The following AGBL1 variants were observed in gnomAD, a reference collection of about 807,000 sequenced individuals.
AGBL1 encodes the protein cytosolic carboxypeptidase 4.
In AGBL1, 130 loss-of-function variants were observed where a neutral mutation model predicts 118.9. That is an observed-to-expected ratio of 1.09 (90% CI 0.95 to 1.26). The LOEUF is 1.26. Ranked by LOEUF, AGBL1 falls within the 50% of genes most tolerant of loss-of-function variation. AGBL1 has a pLI of 0.00. For synonymous variants in AGBL1, 555 were observed against 478.9 expected (o/e 1.16, Z -2.08); for missense variants, 1,584 against 1,298.1 (o/e 1.22, Z -3.38).
At chr15:86,684,938 A>T (rs2086027523) in intron 22 of AGBL1, among the ~76,000 whole-genome samples, 1 of 152,186 alleles carries the variant, frequency 6.6e-6, no homozygotes, top group Non-Finnish European at 1.5e-5. Context: ...AATAAAAATT[A>T]AATTTTATTT....
chr15:86,779,090 G>T (rs1596473436), intron 22 of AGBL1, among the ~76,000 whole-genome samples: 2 of 152,154 alleles, frequency 1.3e-5, no homozygotes, highest in Admixed American at 1.3e-4. Flanking sequence ...AAGTCTCCTG[G>T]TGTCTCCTTT....
At chr15:86,163,690 T>C (rs2077298268) in intron 5 of AGBL1, among the ~76,000 whole-genome samples, 1 of 151,908 alleles carries the variant, frequency 6.6e-6, no homozygotes, top group Non-Finnish European at 1.5e-5. Context: ...ATCACACCAC[T>C]GCACTCCAGC....
chr15:86,739,463 AAAGT>A (rs2077646559), intron 22 of AGBL1, among the ~76,000 whole-genome samples: 3 of 150,178 alleles, frequency 2.0e-5, no homozygotes, highest in African/African-American at 2.5e-5. Flanking sequence ...AAAAAAAAAA[AAAGT>A]AAAAGAGAAA....
chr15:86,733,289 T>G (rs550581387), intron 22 of AGBL1, among the ~76,000 whole-genome samples: 1 of 151,974 alleles, frequency 6.6e-6, no homozygotes, highest in East Asian at 1.9e-4. Context: ...AAACAGAGAG[T>G]GTGATAAAAA....
chr15:86,710,375 C>G (rs79002989), intron 22 of AGBL1, among the ~76,000 whole-genome samples: 7 of 152,256 alleles, frequency 4.6e-5, no homozygotes, highest in Middle Eastern at 3.4e-3. Flanking sequence ...GATTATAAAA[C>G]TGCAAATAAC....
intron 24 of AGBL1, among the ~76,000 whole-genome samples, chr15:86,998,170 T>C (rs529654222): frequency 6.6e-6 from 1 of 152,288 alleles, no homozygotes. Flanking sequence ...GAGTATGATC[T>C]AGTCTAGTGA....
intron 17 of AGBL1, among the ~76,000 whole-genome samples, chr15:86,392,608 G>A (rs1471784095): frequency 1.3e-5 from 2 of 152,098 alleles, no homozygotes; most frequent in African/African-American, 2.4e-5. Flanking sequence ...TTATATAGTT[G>A]GGTACACATG....
At chr15:86,213,755 T>G (rs1238803790) in intron 5 of AGBL1, among the ~76,000 whole-genome samples, 1 of 152,218 alleles carries the variant, frequency 6.6e-6, no homozygotes, top group African/African-American at 2.4e-5. Context: ...TTTTTTATTA[T>G]AAAAGATACA....
chr15:86,815,769 T>C (rs1389307292), intron 22 of AGBL1, among the ~76,000 whole-genome samples: 1 of 152,084 alleles, frequency 6.6e-6, no homozygotes, highest in Non-Finnish European at 1.5e-5. Flanking sequence ...ATCCCCGTCC[T>C]CTCCTCTTCT....
chr15:86,611,318 T>C (rs143939427), intron 21 of AGBL1, among the ~76,000 whole-genome samples: 1 of 152,358 alleles, frequency 6.6e-6, no homozygotes, highest in Non-Finnish European at 1.5e-5. Context: ...TTTGCATATT[T>C]GCGATGTGCA....
At chr15:86,600,233 C>T (rs1360811385) in intron 21 of AGBL1, among the ~76,000 whole-genome samples, 5 of 152,104 alleles carry the variant, frequency 3.3e-5, no homozygotes, top group Non-Finnish European at 7.4e-5. Context: ...TTGCCTGTCA[C>T]TGCTGGAGCT....
intron 22 of AGBL1, among the ~76,000 whole-genome samples, chr15:86,705,412 A>G (rs191029948): frequency 2.3e-4 from 35 of 152,280 alleles, no homozygotes. Flanking sequence ...GTGTTTCCTC[A>G]CTTGGACAAG....
intron 17 of AGBL1, among the ~76,000 whole-genome samples, chr15:86,333,307 A>G (rs947719622): frequency 5.9e-5 from 9 of 152,200 alleles, no homozygotes; most frequent in Admixed American, 5.9e-4. Flanking sequence ...AGAAAGAAAA[A>G]GAGATAAGAT....
At chr15:86,757,625 T>A (rs1335125193) in intron 22 of AGBL1, among the ~76,000 whole-genome samples, 2 of 152,144 alleles carry the variant, frequency 1.3e-5, no homozygotes, top group Non-Finnish European at 2.9e-5. Flanking sequence ...AGAAAATGGA[T>A]ATGTTTAAAT....
At chr15:86,808,434 A>G (rs1482936133) in intron 22 of AGBL1, among the ~76,000 whole-genome samples, 1 of 152,154 alleles carries the variant, frequency 6.6e-6, no homozygotes, top group Non-Finnish European at 1.5e-5. Flanking sequence ...GTTTTCCCTC[A>G]TCTTTCATAA....
chr15:86,674,465 T>G (rs763759832), intron 22 of AGBL1, 29 bp downstream of exon 22: 2 of 1,585,976 alleles, frequency 1.3e-6, no homozygotes, highest in Non-Finnish European at 1.7e-6. Context: ...CTCAGAGAAA[T>G]TTGGACCTTG....
intron 1 of AGBL1, among the ~76,000 whole-genome samples, chr15:86,092,851 C>A: frequency 6.6e-6 from 1 of 152,044 alleles, no homozygotes; most frequent in East Asian, 1.9e-4. Flanking sequence ...GATAATAAAC[C>A]TACTCCTCCA....
intron 22 of AGBL1, among the ~76,000 whole-genome samples, chr15:86,745,507 TCA>T (rs2077743200): frequency 6.6e-6 from 1 of 152,014 alleles, no homozygotes; most frequent in African/African-American, 2.4e-5. Context: ...CCAGAGAGGC[TCA>T]GTCTTTTTCT....
chr15:86,756,382 G>A (rs181485852), intron 22 of AGBL1, among the ~76,000 whole-genome samples: 2 of 151,908 alleles, frequency 1.3e-5, no homozygotes, highest in Non-Finnish European at 2.9e-5. Flanking sequence ...GAACTACCAT[G>A]TGCTGGGGAT....
Sources: gnomAD v4.1 joint callset for allele counts (sites outside exome capture counted in the v4.1 genomes callset) on GRCh38, gnomAD v4.1.1 for gene constraint, MANE v1.5 for transcripts, NCBI Gene and HGNC (gene_info 2026-07-23, HGNC 2026-07-21) for gene names.